The following P2RY14 variants were observed in gnomAD, a reference collection of about 807,000 sequenced individuals.
P2RY14 encodes the protein purinergic receptor P2Y14.
Under a neutral mutation model 0.9 loss-of-function variants are expected in P2RY14, and 2 were observed. That is an observed-to-expected ratio of 2.16 (90% confidence interval 0.88 to 6.79). P2RY14 has a LOEUF of 6.79. Among genes scored for constraint, P2RY14 ranks in the 30% most tolerant of loss-of-function variants. P2RY14 has a pLI of 0.05. For missense variants in P2RY14, 378 were observed against 400.1 expected (o/e 0.94, Z 0.47); for synonymous variants, 158 against 147.2 (o/e 1.07, Z -0.53).
chr3:151,229,473 AT>A (rs59434401), intron 1 of P2RY14, among the ~76,000 whole-genome samples: 2,111 of 90,090 alleles, frequency 0.023, 57 homozygotes, highest in African/African-American at 0.085. Context: ...TGCCCGGCTA[AT>A]TTTTTTTTTT....
chr3:151,230,942 A>G (rs192610008), intron 1 of P2RY14, among the ~76,000 whole-genome samples: 115 of 152,316 alleles, frequency 7.6e-4, no homozygotes, highest in Middle Eastern at 3.4e-3. Context: ...CAGGAAAAGT[A>G]TAAGTTGAGT....
chr3:151,220,948 TAA>T (rs991437927), intron 1 of P2RY14, among the ~76,000 whole-genome samples: 4 of 152,210 alleles, frequency 2.6e-5, no homozygotes, highest in African/African-American at 9.7e-5. Context: ...AAAATGTAGG[TAA>T]GTTTGGAACT....
At chr3:151,256,077 T>A (rs556456700) in intron 1 of P2RY14, among the ~76,000 whole-genome samples, 3 of 152,354 alleles carry the variant, frequency 2.0e-5, no homozygotes, top group Non-Finnish European at 4.4e-5. Flanking sequence ...TAGATAGAAA[T>A]ACAGTGCTAT....
At chr3:151,255,861 ATC>A (rs1387146125) in intron 1 of P2RY14, among the ~76,000 whole-genome samples, 1 of 152,162 alleles carries the variant, frequency 6.6e-6, no homozygotes, top group African/African-American at 2.4e-5. Flanking sequence ...TGGTAATGTA[ATC>A]TCTCTCAATC....
chr3:151,260,353 T>G (rs1738630245), intron 1 of P2RY14, among the ~76,000 whole-genome samples: 1 of 152,088 alleles, frequency 6.6e-6, no homozygotes, highest in African/African-American at 2.4e-5. Context: ...CAGTTTTTGT[T>G]GTTGTTTGTT....
chr3:151,275,535 G>GTATT (rs1475767320), intron 1 of P2RY14, among the ~76,000 whole-genome samples: 1 of 152,154 alleles, frequency 6.6e-6, no homozygotes, highest in Non-Finnish European at 1.5e-5. Context: ...CATATGACCA[G>GTATT]TATTTCACTT....
chr3:151,228,599 G>T (rs1731005022), intron 1 of P2RY14, among the ~76,000 whole-genome samples: 1 of 152,176 alleles, frequency 6.6e-6, no homozygotes, highest in Admixed American at 6.5e-5. Context: ...GACAAATTGG[G>T]AGAGGTTTTG....
intron 2 of P2RY14, among the ~76,000 whole-genome samples, chr3:151,215,018 A>G (rs1727915258): frequency 6.6e-6 from 1 of 152,140 alleles, no homozygotes; most frequent in Admixed American, 6.5e-5. Flanking sequence ...TTCTACATAT[A>G]TGTTGGACAT....
intron 1 of P2RY14, among the ~76,000 whole-genome samples, chr3:151,224,977 G>A (rs954624664): frequency 5.9e-5 from 9 of 152,178 alleles, no homozygotes; most frequent in East Asian, 1.9e-4. Context: ...AACTTACAGC[G>A]TTTTACATCT....
At chr3:151,225,273 G>C (rs1375099038) in intron 1 of P2RY14, among the ~76,000 whole-genome samples, 1 of 152,180 alleles carries the variant, frequency 6.6e-6, no homozygotes, top group Non-Finnish European at 1.5e-5. Context: ...CTTCTGCTTA[G>C]CTCCTGTGTT....
intron 1 of P2RY14, among the ~76,000 whole-genome samples, chr3:151,263,436 TATC>T (rs960544329): frequency 1.3e-5 from 2 of 152,214 alleles, no homozygotes; most frequent in African/African-American, 4.8e-5. Flanking sequence ...CTGACAGAAT[TATC>T]ATAAGTCACT....
intron 1 of P2RY14, among the ~76,000 whole-genome samples, chr3:151,250,331 G>A (rs534908627): frequency 2.6e-4 from 40 of 152,260 alleles, no homozygotes; most frequent in African/African-American, 7.5e-4. Context: ...GTTCAGTGAC[G>A]TTAATTACAT....
At chr3:151,223,819 C>T (rs1328511476) in intron 1 of P2RY14, among the ~76,000 whole-genome samples, 3 of 152,142 alleles carry the variant, frequency 2.0e-5, no homozygotes, top group Non-Finnish European at 4.4e-5. Flanking sequence ...CAAACTTGCA[C>T]ATGTAACTGT....
intron 1 of P2RY14, among the ~76,000 whole-genome samples, chr3:151,263,531 T>C (rs1739282954): frequency 6.6e-6 from 1 of 152,222 alleles, no homozygotes; most frequent in South Asian, 2.1e-4. Flanking sequence ...ATATCAACTT[T>C]CCAAAATATC....
intron 1 of P2RY14, among the ~76,000 whole-genome samples, chr3:151,228,367 G>A (rs1730965630): frequency 6.6e-6 from 1 of 152,210 alleles, no homozygotes; most frequent in African/African-American, 2.4e-5. Flanking sequence ...AATACCTGGT[G>A]TGAGGCAGGC....
Position 151,212,148 on chromosome 3 carries a change from G to C in P2RY14, c.*1152C>G, listed in dbSNP as rs1245690171. 6.6e-6 allele frequency: 1 copy of C among 152,128 alleles called. No individual in the cohort carries two copies. Among genetic ancestry groups the C allele is most frequent in the African/African-American group, 2.4e-5 (1 of 41,412 alleles). 9.4% of individuals were successfully genotyped at this position (152,128 alleles called of 1,614,324 possible). A position where few individuals can be genotyped will look rare whatever the true frequency, so the allele number is the denominator to read the frequency against. Reference sequence around the variant, plus strand: ...TAAAACATTTCTTTATTAGTATATAGACAGTAAAGCATGAAATAGATACAA... The same window carrying C: ...TAAAACATTTCTTTATTAGTATATACACAGTAAAGCATGAAATAGATACAA... On this transcript the variant is annotated 3_prime_UTR_variant, in exon 3 of 3. Coordinates refer to ENST00000309170, the MANE Select transcript of P2RY14 (RefSeq NM_014879.4).
intron 1 of P2RY14, among the ~76,000 whole-genome samples, chr3:151,275,576 T>C (rs1266210698): frequency 6.6e-6 from 1 of 152,190 alleles, no homozygotes; most frequent in Non-Finnish European, 1.5e-5. Flanking sequence ...ATTGAGAAGC[T>C]TTGCTGTGGT....
At chr3:151,271,395 A>C (rs1920394) in intron 1 of P2RY14, among the ~76,000 whole-genome samples, 13 of 152,224 alleles carry the variant, frequency 8.5e-5, no homozygotes, top group Non-Finnish European at 1.2e-4. Flanking sequence ...ATACTTTGGT[A>C]TATTTTTGGT....
At chr3:151,250,539 T>C (rs1736646883) in intron 1 of P2RY14, among the ~76,000 whole-genome samples, 1 of 152,222 alleles carries the variant, frequency 6.6e-6, no homozygotes, top group Non-Finnish European at 1.5e-5. Flanking sequence ...TGTCCTTTTT[T>C]GACTGGCTTA....
Sources: allele counts gnomAD v4.1 joint callset (sites outside exome capture counted in the v4.1 genomes callset), GRCh38; gene constraint gnomAD v4.1.1; transcripts MANE v1.5; gene names NCBI Gene and HGNC (gene_info 2026-07-23, HGNC 2026-07-21).